TRPC4AP: variants seen among roughly 807,000 people sequenced by gnomAD.
TRPC4AP encodes transient receptor potential cation channel subfamily C member 4 associated protein, also known as short transient receptor potential channel 4-associated protein.
A neutral mutation model predicts 99.0 loss-of-function variants in TRPC4AP; 45 were observed. The ratio of observed to expected loss-of-function variants is 0.45; its 90% CI spans 0.36 to 0.58. The LOEUF is 0.58. Ranked by LOEUF, TRPC4AP falls within the 20% of genes least tolerant of loss-of-function variation. The pLI, the probability that TRPC4AP is intolerant of heterozygous loss-of-function variation, is 0.00. For synonymous variants in TRPC4AP, 408 were observed against 385.8 expected (o/e 1.06, Z -0.67); for missense variants, 879 against 985.3 (o/e 0.89, Z 1.44).
chr20:35,058,646 G>A (rs1274342794), intron 3 of TRPC4AP, among the ~76,000 whole-genome samples: 2 of 151,532 alleles, frequency 1.3e-5, no homozygotes, highest in South Asian at 2.1e-4. Flanking sequence ...AGTGCTCAGA[G>A]GGAAATTTAT....
intron 3 of TRPC4AP, among the ~76,000 whole-genome samples, chr20:35,068,853 A>C (rs1383457949): frequency 6.6e-6 from 1 of 151,678 alleles, no homozygotes; most frequent in Admixed American, 6.6e-5. Flanking sequence ...AAAAAAGAAG[A>C]AGAAAGAAGG....
intron 8 of TRPC4AP, among the ~76,000 whole-genome samples, chr20:35,027,479 T>C (rs1320666256): frequency 6.6e-6 from 1 of 152,256 alleles, no homozygotes; most frequent in Non-Finnish European, 1.5e-5. Context: ...TCATAAGAGA[T>C]ACTGGTCTTG....
At chr20:35,083,130 T>C (rs1326339677) in intron 1 of TRPC4AP, among the ~76,000 whole-genome samples, 1 of 152,196 alleles carries the variant, frequency 6.6e-6, no homozygotes. Flanking sequence ...AGAACCTAAA[T>C]GTAAATTATC....
intron 9 of TRPC4AP, among the ~76,000 whole-genome samples, chr20:35,018,280 ATTTCCCTTTTCTC>A (rs2082799170): frequency 6.6e-6 from 1 of 151,940 alleles, no homozygotes; most frequent in Non-Finnish European, 1.5e-5. Context: ...CTACTACATC[ATTTCCCTTTTCTC>A]TTAACAATAC....
chr20:35,070,645 G>A (rs1236095137), intron 2 of TRPC4AP, among the ~76,000 whole-genome samples: 1 of 152,106 alleles, frequency 6.6e-6, no homozygotes, highest in East Asian at 1.9e-4. Context: ...TGATCCACCC[G>A]CCTCGGCCTC....
chr20:35,040,861 T>C (rs908257309), intron 7 of TRPC4AP, among the ~76,000 whole-genome samples: 2 of 152,168 alleles, frequency 1.3e-5, no homozygotes, highest in African/African-American at 2.4e-5. Flanking sequence ...ATCCTACTGC[T>C]TCTGTCTCTC....
rs1292743084 is a variant in TRPC4AP, at chr20:35,044,371, G to A, written c.865+134C>T. ...TGTGCCACTGCACTCCTGCCTGGGTGACATAGTGACGATCCCATCTCAAAA... is the reference window on the plus strand; with the variant it reads ...TGTGCCACTGCACTCCTGCCTGGGTAACATAGTGACGATCCCATCTCAAAA... On this transcript the variant is annotated intron_variant, in intron 7 of 18. Coordinates refer to ENST00000252015, the MANE Select transcript of TRPC4AP (RefSeq NM_015638.3). The A allele has an allele frequency of 6.8e-6, 6 of 877,192 alleles. No homozygotes were observed. In the African/African-American group the frequency reaches 7.5e-5, roughly 11 times the overall value. The allele number at this position is 877,192 out of a possible 1,614,324, so 54.3% of individuals were successfully genotyped here.
rs764160529 is a variant in TRPC4AP at position 35,021,392 on chromosome 20, C to T, written c.1052-36G>A. On this transcript the variant is annotated intron_variant, in intron 8 of 18. Transcript: ENST00000252015. ...CACCGGAGACAGGATTGAGTCACAG[C>T]TTGTGAGGAAACACGTTTCTGCCCC... The T allele has an allele frequency of 2.2e-5, 36 of 1,603,860 alleles. No homozygotes were observed. In the Admixed American group the frequency reaches 3.5e-4, roughly 16 times the overall value.
intron 3 of TRPC4AP, among the ~76,000 whole-genome samples, 189 bp downstream of exon 3, chr20:35,069,107 A>G (rs2084235486): frequency 6.6e-6 from 1 of 152,230 alleles, no homozygotes; most frequent in African/African-American, 2.4e-5. Flanking sequence ...GTATACACCA[A>G]TTTAAATAAA....
chr20:35,085,899 T>A (rs1231970442), intron 1 of TRPC4AP, among the ~76,000 whole-genome samples: 1 of 152,212 alleles, frequency 6.6e-6, no homozygotes, highest in African/African-American at 2.4e-5. Context: ...TGAAGATAAC[T>A]GTGCATCTTA....
chr20:35,046,895 G>A (rs1041556871), intron 6 of TRPC4AP, among the ~76,000 whole-genome samples: 13 of 151,820 alleles, frequency 8.6e-5, no homozygotes, highest in African/African-American at 3.1e-4. Context: ...TTAAGGCGGA[G>A]TCTCACTGTG....
chr20:35,071,078 A>G (rs1256609262), intron 2 of TRPC4AP, among the ~76,000 whole-genome samples: 2 of 152,344 alleles, frequency 1.3e-5, no homozygotes, highest in African/African-American at 2.4e-5. Flanking sequence ...TTAAGAAGCT[A>G]TAATTATTTC....
At chr20:35,037,860 AC>A (rs1367405622) in intron 7 of TRPC4AP, among the ~76,000 whole-genome samples, 1 of 152,148 alleles carries the variant, frequency 6.6e-6, no homozygotes, top group Admixed American at 6.5e-5. Flanking sequence ...AACATGCTGT[AC>A]AGGTTTGCAG....
intron 4 of TRPC4AP, 98 bp downstream of exon 4, chr20:35,057,416 T>C (rs1224770293): frequency 3.1e-6 from 3 of 963,778 alleles, no homozygotes; most frequent in African/African-American, 1.6e-5. Flanking sequence ...GTCCTTACTA[T>C]TAAGAGTTAG....
At chr20:35,075,720 C>G (rs1027681647) in intron 2 of TRPC4AP, among the ~76,000 whole-genome samples, 2 of 152,182 alleles carry the variant, frequency 1.3e-5, no homozygotes, top group Non-Finnish European at 2.9e-5. Context: ...TTTGGTGAAT[C>G]TGACAATTAT....
chr20:35,048,018 C>T (rs2083599904), intron 6 of TRPC4AP, among the ~76,000 whole-genome samples: 1 of 151,814 alleles, frequency 6.6e-6, no homozygotes, highest in African/African-American at 2.4e-5. Context: ...CTGATACACA[C>T]ACTCACCAAC....
intron 3 of TRPC4AP, among the ~76,000 whole-genome samples, chr20:35,068,960 C>CA (rs1555914227): frequency 1.5e-4 from 16 of 108,014 alleles, no homozygotes; most frequent in South Asian, 5.6e-4. Flanking sequence ...CACACACACA[C>CA]ACACACACAC....
intron 3 of TRPC4AP, among the ~76,000 whole-genome samples, chr20:35,060,587 A>AGG (rs1569133128): frequency 2.3e-4 from 8 of 35,072 alleles, no homozygotes; most frequent in Admixed American, 3.5e-4. Flanking sequence ...CTTGTCTCCA[A>AGG]AAAAAAAAAA....
At chr20:35,057,342 A>T (rs2083859662) in intron 4 of TRPC4AP, among the ~76,000 whole-genome samples, 172 bp downstream of exon 4, 1 of 152,198 alleles carries the variant, frequency 6.6e-6, no homozygotes, top group South Asian at 2.1e-4. Context: ...CGCAGTACAG[A>T]ATGAATAAAG....
Sources: allele counts gnomAD v4.1 joint callset (sites outside exome capture counted in the v4.1 genomes callset), GRCh38; gene constraint gnomAD v4.1.1; transcripts MANE v1.5; gene names NCBI Gene and HGNC (gene_info 2026-07-23, HGNC 2026-07-21).